NEGR1: variants seen among roughly 807,000 people sequenced by gnomAD.
NEGR1 encodes neuronal growth regulator 1.
In NEGR1, 10 loss-of-function variants were observed where a neutral mutation model predicts 40.9. The observed-to-expected ratio is 0.24, with a 90% CI of 0.15 to 0.42. NEGR1 has a LOEUF of 0.42. Ranked by LOEUF, NEGR1 falls within the 10% of genes least tolerant of loss-of-function variation. The pLI, the probability that NEGR1 is intolerant of heterozygous loss-of-function variation, is 1.00. For synonymous variants in NEGR1, 185 were observed against 166.8 expected, an observed-to-expected ratio of 1.11 and a Z score of -0.84; for missense variants, 352 against 438.9, an observed-to-expected ratio of 0.80 and a Z score of 1.77.
At chr1:72,184,398 G>A (rs2100418369) in intron 1 of NEGR1, among the ~76,000 whole-genome samples, 1 of 152,076 alleles carries the variant, frequency 6.6e-6, no homozygotes, top group South Asian at 2.1e-4. Flanking sequence ...AAAGTTGGCA[G>A]AATCAAAGGA....
At chr1:72,013,062 G>T (rs1435575210) in intron 1 of NEGR1, among the ~76,000 whole-genome samples, 2 of 151,756 alleles carry the variant, frequency 1.3e-5, no homozygotes, top group South Asian at 4.2e-4. Context: ...TTAATGTATA[G>T]AAGCTTATAA....
intron 2 of NEGR1, among the ~76,000 whole-genome samples, chr1:71,898,353 C>T (rs1661028868): frequency 6.6e-6 from 1 of 152,140 alleles, no homozygotes; most frequent in Non-Finnish European, 1.5e-5. Flanking sequence ...CGGTGGTTCA[C>T]GCCTGTAATC....
intron 1 of NEGR1, among the ~76,000 whole-genome samples, chr1:72,103,096 GT>G (rs1210183919): frequency 6.6e-6 from 1 of 151,834 alleles, no homozygotes; most frequent in Non-Finnish European, 1.5e-5. Context: ...CCCTTTAAAA[GT>G]ACTTTTCTAT....
At chr1:72,055,982 A>G (rs1397771082) in intron 1 of NEGR1, among the ~76,000 whole-genome samples, 3 of 150,732 alleles carry the variant, frequency 2.0e-5, no homozygotes, top group Non-Finnish European at 3.0e-5. Context: ...TATTCCTAAA[A>G]TTCTGGTATT....
chr1:71,951,982 GCT>G (rs1367455174), intron 1 of NEGR1, among the ~76,000 whole-genome samples: 1 of 151,836 alleles, frequency 6.6e-6, no homozygotes, highest in African/African-American at 2.4e-5. Context: ...TGTTGTCTGT[GCT>G]CTGACTTCCC....
intron 3 of NEGR1, among the ~76,000 whole-genome samples, chr1:71,750,604 G>T (rs1655539741): frequency 1.3e-5 from 2 of 151,986 alleles, no homozygotes; most frequent in Non-Finnish European, 2.9e-5. Context: ...AAAACCATCA[G>T]CTCTCATGAG....
At chr1:72,141,534 A>T (rs960573536) in intron 1 of NEGR1, among the ~76,000 whole-genome samples, 1 of 151,968 alleles carries the variant, frequency 6.6e-6, no homozygotes, top group African/African-American at 2.4e-5. Flanking sequence ...ATGCAATCAA[A>T]TGGGAGCACC....
intron 1 of NEGR1, among the ~76,000 whole-genome samples, chr1:71,963,640 A>T (rs1014454726): frequency 6.6e-6 from 1 of 152,160 alleles, no homozygotes; most frequent in East Asian, 1.9e-4. Context: ...AATATGTGTG[A>T]TTATTTAAAT....
chr1:72,107,715 C>G (rs1170235708), intron 1 of NEGR1, among the ~76,000 whole-genome samples: 1 of 151,084 alleles, frequency 6.6e-6, no homozygotes, highest in East Asian at 1.9e-4. Flanking sequence ...ATGACACAGA[C>G]TTAAGTGTAT....
At chr1:71,814,193 GT>G (rs1483727391) in intron 2 of NEGR1, among the ~76,000 whole-genome samples, 1 of 152,080 alleles carries the variant, frequency 6.6e-6, no homozygotes, top group Non-Finnish European at 1.5e-5. Context: ...TAATCATGCG[GT>G]TTTTGTCTTT....
chr1:71,965,208 A>T (rs981198711), intron 1 of NEGR1, among the ~76,000 whole-genome samples: 8 of 152,168 alleles, frequency 5.3e-5, no homozygotes, highest in African/African-American at 1.7e-4. Context: ...AAGCAGAAGC[A>T]GCTAACTTGT....
intron 1 of NEGR1, among the ~76,000 whole-genome samples, chr1:72,048,766 C>T (rs1218183182): frequency 4.0e-5 from 6 of 151,564 alleles, no homozygotes; most frequent in Non-Finnish European, 7.4e-5. Flanking sequence ...GATCTTAGTT[C>T]TTTTCTGCCT....
At chr1:72,068,974 G>A (rs534023826) in intron 1 of NEGR1, among the ~76,000 whole-genome samples, 58 of 152,034 alleles carry the variant, frequency 3.8e-4, no homozygotes, top group African/African-American at 8.4e-4. Context: ...ATTAACACTC[G>A]GAAAAATAAT....
chr1:71,720,213 T>C (rs1277105448), intron 3 of NEGR1, among the ~76,000 whole-genome samples: 2 of 152,182 alleles, frequency 1.3e-5, no homozygotes, highest in South Asian at 2.1e-4. Flanking sequence ...TAATAGTGTA[T>C]AGAGGAATAT....
intron 6 of NEGR1, among the ~76,000 whole-genome samples, chr1:71,536,465 T>C (rs146473385): frequency 4.0e-5 from 6 of 151,854 alleles, no homozygotes; most frequent in African/African-American, 1.2e-4. Flanking sequence ...TTTCACCCTC[T>C]GCCATGAGTG....
chr1:72,120,246 C>A (rs1298311905), intron 1 of NEGR1, among the ~76,000 whole-genome samples: 1 of 151,666 alleles, frequency 6.6e-6, no homozygotes, highest in African/African-American at 2.4e-5. Context: ...TTCCTCAAAT[C>A]CAAAAATTAT....
rs930629429 is a variant in NEGR1 at position 71,766,190 on chromosome 1, A to G, written c.535+9982T>C. 1.1e-4 allele frequency among the ~76,000 whole-genome samples: 16 copies of G among 145,856 alleles called. 2 individuals are homozygous for G. The East Asian group carries it at 3.3e-3, about 30-fold the overall frequency. On this transcript the variant is annotated intron_variant, in intron 3 of 6. Transcript: ENST00000357731. ...TCCGTCTCAAAAAAAAAAAAAAAAA[A>G]GAAGAGATCTGAGTCTTTCTAAATG...
intron 2 of NEGR1, among the ~76,000 whole-genome samples, chr1:71,808,500 G>A (rs1657862196): frequency 6.6e-6 from 1 of 152,022 alleles, no homozygotes. Context: ...AGAGGTTAGG[G>A]AGCCTGTCAG....
intron 5 of NEGR1, among the ~76,000 whole-genome samples, chr1:71,609,696 T>C (rs1041319791): frequency 2.0e-5 from 3 of 152,154 alleles, no homozygotes; most frequent in Non-Finnish European, 4.4e-5. Context: ...TCCTTTGTGG[T>C]AATATCTAAG....
Sources: gnomAD v4.1 joint callset for allele counts (sites outside exome capture counted in the v4.1 genomes callset) on GRCh38, gnomAD v4.1.1 for gene constraint, MANE v1.5 for transcripts, NCBI Gene and HGNC (gene_info 2026-07-23, HGNC 2026-07-21) for gene names.